The following FYN variants were observed in gnomAD, a reference collection of about 807,000 sequenced individuals.
FYN encodes tyrosine-protein kinase Fyn.
In FYN, 10 loss-of-function variants were observed where a neutral mutation model predicts 70.2. The observed-to-expected ratio is 0.14, with a 90% confidence interval of 0.09 to 0.24. FYN has a LOEUF of 0.24. Among genes scored for constraint, FYN ranks in the 10% least tolerant of loss-of-function variants. FYN has a pLI of 1.00. For synonymous variants in FYN, 236 were observed against 248.6 expected (o/e 0.95, Z 0.48); for missense variants, 319 against 673.1 (o/e 0.47, Z 5.82).
At chr6:111,703,691 A>C (rs963428537) in intron 7 of FYN, among the ~76,000 whole-genome samples, 1 of 152,230 alleles carries the variant, frequency 6.6e-6, no homozygotes, top group Admixed American at 6.5e-5. Flanking sequence ...CACCTGAGGA[A>C]CTAAGATTTC....
chr6:111,773,125 A>G (rs1803515446), intron 3 of FYN, among the ~76,000 whole-genome samples: 1 of 150,440 alleles, frequency 6.6e-6, no homozygotes, highest in Non-Finnish European at 1.5e-5. Flanking sequence ...AAGAGGGAAT[A>G]AAGCAAATGC....
chr6:111,795,366 C>T (rs577553552), intron 2 of FYN, among the ~76,000 whole-genome samples: 5 of 152,138 alleles, frequency 3.3e-5, no homozygotes, highest in Admixed American at 1.3e-4. Context: ...AAGAGAGAGG[C>T]CTCAGGAGAA....
In FYN at chr6:111,664,770, C is replaced by T. The variant is rs114099802; in HGVS notation, c.1406-2823G>A. ...TCTTCTTCTCCTGCTTTCTTCTGCCCAGACCTCTCAAAGCAAGGGGAGTAT... is the reference window on the plus strand; with the variant it reads ...TCTTCTTCTCCTGCTTTCTTCTGCCTAGACCTCTCAAAGCAAGGGGAGTAT... On this transcript the variant is annotated intron_variant, in intron 13 of 13. Coordinates refer to ENST00000354650, the MANE Select transcript of FYN (RefSeq NM_002037.5). Among the ~76,000 whole-genome samples the T allele has an allele frequency of 7.1e-3, 1,078 of 152,324 alleles. 9 individuals carry two copies. Among genetic ancestry groups the T allele is most frequent in the African/African-American group, 0.024 (1,000 of 41,576 alleles).
intron 2 of FYN, among the ~76,000 whole-genome samples, chr6:111,824,013 T>C (rs1345683520): frequency 3.3e-5 from 5 of 152,208 alleles, no homozygotes; most frequent in African/African-American, 1.2e-4. Context: ...AGTCATCAGC[T>C]GTGGATATAG....
intron 1 of FYN, among the ~76,000 whole-genome samples, chr6:111,867,309 G>T (rs911084444): frequency 2.6e-5 from 4 of 151,926 alleles, no homozygotes; most frequent in Non-Finnish European, 5.9e-5. Context: ...CCAATAATTA[G>T]CCGGGTGTGG....
At chr6:111,820,165 G>GT (rs1237679430) in intron 2 of FYN, 1 of 152,198 alleles carries the variant, frequency 6.6e-6, no homozygotes, top group Non-Finnish European at 1.5e-5. Context: ...AGCTCAAATT[G>GT]TATCTGACAA....
chr6:111,670,602 ATG>A (rs572049860), intron 13 of FYN, among the ~76,000 whole-genome samples: 4,556 of 152,266 alleles, frequency 0.03, 198 homozygotes, highest in African/African-American at 0.1. Flanking sequence ...TATTTGTGGA[ATG>A]ACTACAGAAA....
intron 13 of FYN, among the ~76,000 whole-genome samples, chr6:111,664,720 G>A (rs1479911942): frequency 6.6e-6 from 1 of 151,842 alleles, no homozygotes; most frequent in Non-Finnish European, 1.5e-5. Context: ...TTTCCTGTCT[G>A]CACCCCTCCG....
intron 2 of FYN, among the ~76,000 whole-genome samples, chr6:111,804,500 G>C (rs542965182): frequency 6.6e-6 from 1 of 152,314 alleles, no homozygotes; most frequent in African/African-American, 2.4e-5. Context: ...TCCAGAAGGA[G>C]GTAAAACTTT....
At chr6:111,729,833 A>G (rs1369599738) in intron 3 of FYN, among the ~76,000 whole-genome samples, 2 of 152,186 alleles carry the variant, frequency 1.3e-5, no homozygotes, top group Non-Finnish European at 2.9e-5. Context: ...AGATGATAAC[A>G]CTATGGGCAA....
chr6:111,714,420 A>G lies in FYN; in HGVS notation c.271T>C (p.Tyr91His), dbSNP rs747019456. 3.1e-6 allele frequency: 5 copies of G among 1,614,070 alleles called. No individual in the cohort carries two copies. Among genetic ancestry groups the G allele is most frequent in the Non-Finnish European group, 3.4e-6 (4 of 1,179,926 alleles). Residue 91 changes from tyrosine (Y) to histidine (H), a missense_variant, in exon 5 of 14, where the codon TAT becomes CAT. Around this residue, in one of 4 missense-constraint regions of FYN, gnomAD observed 128 missense variants for 183.9 expected, o/e 0.70. Coordinates refer to ENST00000354650, the MANE Select transcript of FYN (RefSeq NM_002037.5). Reference protein sequence around the residue: ...GTGVTLFVALYDYEARTEDDL... With the variant: ...GTGVTLFVALHDYEARTEDDL... ...TCTTCTGTCCGTGCTTCATAGTCAT[A>G]AAGGGCCACAAAGAGTGTCACTCCT...
chr6:111,691,885 T>C (rs1487542707), intron 12 of FYN, among the ~76,000 whole-genome samples: 2 of 152,246 alleles, frequency 1.3e-5, no homozygotes, highest in African/African-American at 2.4e-5. Context: ...AAATCCTGGC[T>C]CTGCTATTTT....
At chr6:111,754,354 A>C (rs1802619386) in intron 3 of FYN, 1 of 152,184 alleles carries the variant, frequency 6.6e-6, no homozygotes, top group African/African-American at 2.4e-5. Flanking sequence ...CCCACGGGGA[A>C]GGAGGTCTTC....
chr6:111,832,744 T>A (rs1773060806), intron 2 of FYN, among the ~76,000 whole-genome samples: 1 of 152,184 alleles, frequency 6.6e-6, no homozygotes, highest in African/African-American at 2.4e-5. Context: ...CAGAATACCA[T>A]GCTGCCTTCT....
intron 12 of FYN, among the ~76,000 whole-genome samples, chr6:111,679,161 G>A (rs544385790): frequency 3.9e-5 from 6 of 152,034 alleles, no homozygotes; most frequent in South Asian, 2.1e-4. Context: ...CCTGCTTCAC[G>A]GACAGGCTAT....
At chr6:111,858,086 C>T (rs1025096775) in intron 1 of FYN, among the ~76,000 whole-genome samples, 1 of 152,184 alleles carries the variant, frequency 6.6e-6, no homozygotes, top group Non-Finnish European at 1.5e-5. Context: ...CCTTTACATC[C>T]ACCCAAGGGC....
intron 1 of FYN, among the ~76,000 whole-genome samples, chr6:111,855,246 T>A (rs895410647): frequency 1.3e-5 from 2 of 152,212 alleles, no homozygotes; most frequent in Non-Finnish European, 2.9e-5. Flanking sequence ...GAAGTTTATT[T>A]TGTCACAGGT....
intron 2 of FYN, among the ~76,000 whole-genome samples, chr6:111,828,555 A>G (rs1422441649): frequency 6.6e-6 from 1 of 152,192 alleles, no homozygotes; most frequent in Non-Finnish European, 1.5e-5. Flanking sequence ...CTATACATAC[A>G]ATGGAATATT....
At chr6:111,760,817 C>A (rs929541743) in intron 3 of FYN, among the ~76,000 whole-genome samples, 68 of 152,188 alleles carry the variant, frequency 4.5e-4, no homozygotes, top group Admixed American at 3.2e-3. Flanking sequence ...CCTTTTGATT[C>A]CAGTCTCACT....
Sources: gnomAD v4.1 joint callset for allele counts (sites outside exome capture counted in the v4.1 genomes callset) on GRCh38, gnomAD v4.1.1 for gene constraint, gnomAD v4.1.1 regional missense constraint, MANE v1.5 for transcripts, NCBI Gene and HGNC (gene_info 2026-07-23, HGNC 2026-07-21) for gene names.